SSX2IP: variants seen among roughly 807,000 people sequenced by gnomAD.
The protein encoded by SSX2IP is afadin- and alpha-actinin-binding protein.
SSX2IP carries 55 observed loss-of-function variants against 84.9 expected under a neutral mutation model. That is an observed-to-expected ratio of 0.65 (90% CI 0.52 to 0.81). SSX2IP has a LOEUF of 0.81. SSX2IP is among the 30% of genes least tolerant of loss of function. SSX2IP has a pLI of 0.00. For missense variants in SSX2IP, 664 were observed against 705.2 expected (o/e 0.94, Z 0.66); for synonymous variants, 239 against 234.7 (o/e 1.02, Z -0.17).
At chr1:84,651,009 G>A (rs1650164469) in intron 12 of SSX2IP, among the ~76,000 whole-genome samples, 3 of 152,166 alleles carry the variant, frequency 2.0e-5, no homozygotes, top group South Asian at 4.2e-4. Context: ...CCAGCCAAAA[G>A]GATCTAGTTT....
chr1:84,682,274 T>C (rs1410232717), intron 1 of SSX2IP, among the ~76,000 whole-genome samples: 1 of 152,182 alleles, frequency 6.6e-6, no homozygotes, highest in African/African-American at 2.4e-5. Context: ...CACAGGGTAC[T>C]GAGAGAGCGC....
At chr1:84,660,897 A>C in intron 8 of SSX2IP, among the ~76,000 whole-genome samples, 1 of 65,712 alleles carries the variant, frequency 1.5e-5, no homozygotes, top group Non-Finnish European at 3.0e-5. Flanking sequence ...CTAAAATACA[A>C]AAAAAAAAAA....
intron 11 of SSX2IP, chr1:84,655,323 C>A (rs1176175211): frequency 4.7e-6 from 5 of 1,062,024 alleles, no homozygotes; most frequent in Non-Finnish European, 5.7e-6. Context: ...TTTTTTTTAA[C>A]CTTATTCAGA....
intron 13 of SSX2IP, chr1:84,649,853 G>A (rs1027374004): frequency 4.2e-6 from 2 of 477,176 alleles, no homozygotes; most frequent in Middle Eastern, 3.3e-4. Flanking sequence ...CAACATATGG[G>A]TTTCCCAGGG....
At chr1:84,686,275 T>C (rs185864521) in intron 1 of SSX2IP, among the ~76,000 whole-genome samples, 17 of 152,326 alleles carry the variant, frequency 1.1e-4, no homozygotes, top group African/African-American at 4.1e-4. Context: ...GGGCAATTAA[T>C]GGTCAGGGAC....
intron 11 of SSX2IP, among the ~76,000 whole-genome samples, chr1:84,653,537 C>T (rs552403411): frequency 2.6e-5 from 4 of 152,216 alleles, no homozygotes; most frequent in Admixed American, 2.0e-4. Flanking sequence ...CAACTGGGAG[C>T]AATATGCAAA....
At position 84,652,015 on chromosome 1, in the gene SSX2IP, A is replaced by G; in HGVS notation, c.1390-18T>C. 1 of 1,558,812 alleles carries G rather than the reference A, an allele frequency of 6.4e-7. No individual in the cohort carries two copies. Among genetic ancestry groups the G allele is most frequent in the East Asian group, 2.2e-5 (1 of 44,574 alleles). On this transcript the variant is annotated intron_variant, in intron 11 of 13. Coordinates refer to ENST00000342203, the MANE Select transcript of SSX2IP (RefSeq NM_001166293.2). Reference sequence around the variant, plus strand: ...GCCTTTCTCTACCATAAACAGCCAAAGAAATAATGATCAATATTTCAACAT... The same window carrying G: ...GCCTTTCTCTACCATAAACAGCCAAGGAAATAATGATCAATATTTCAACAT...
intron 4 of SSX2IP, among the ~76,000 whole-genome samples, chr1:84,667,238 C>A (rs1253084913): frequency 6.6e-6 from 1 of 152,104 alleles, no homozygotes; most frequent in East Asian, 1.9e-4. Flanking sequence ...CCCCTCCTTC[C>A]TTTCTTAGTG....
chr1:84,686,173 TTTATC>T (rs1655758721), intron 1 of SSX2IP, among the ~76,000 whole-genome samples: 1 of 133,426 alleles, frequency 7.5e-6, no homozygotes, highest in African/African-American at 2.5e-5. Context: ...TTTTTTGCTT[TTTATC>T]TTAATTTTTA....
rs532492600 is a variant in SSX2IP, at chr1:84,673,900, C to G, written c.-89-2592G>C. ...AATTCAGTCTGGCAATGGTCTTTTG[C>G]CACTTTTCTACTCATGTGCTTGGTA... On this transcript the variant is annotated intron_variant, in intron 1 of 13. Coordinates refer to ENST00000342203, the MANE Select transcript of SSX2IP (RefSeq NM_001166293.2). 7.2e-5 allele frequency among the ~76,000 whole-genome samples: 11 copies of G among 152,178 alleles called. No individual in the cohort carries two copies. In the East Asian group the frequency reaches 1.9e-3, roughly 27 times the overall value.
At chr1:84,656,199 G>T in intron 10 of SSX2IP, 149 bp downstream of exon 10, 1 of 905,432 alleles carries the variant, frequency 1.1e-6, no homozygotes, top group Non-Finnish European at 1.6e-6. Context: ...TTTAAGGAGT[G>T]GTACACAATG....
intron 4 of SSX2IP, among the ~76,000 whole-genome samples, chr1:84,668,627 G>A (rs779872576): frequency 2.0e-5 from 3 of 152,120 alleles, no homozygotes; most frequent in Non-Finnish European, 4.4e-5. Context: ...TGTTTCTAGT[G>A]TTCCCATGTA....
rs184095691 is a variant in SSX2IP, at chr1:84,664,891, T to G, written c.538-339A>C. ...ATTCATCTGATCATTTTTAGTGAACTCCTTGTATTACTGACTTACAATCAC... is the reference window on the plus strand; with the variant it reads ...ATTCATCTGATCATTTTTAGTGAACGCCTTGTATTACTGACTTACAATCAC... On this transcript the variant is annotated intron_variant, in intron 5 of 13. Coordinates refer to ENST00000342203, the MANE Select transcript of SSX2IP (RefSeq NM_001166293.2). Among the ~76,000 whole-genome samples, 168 of 152,306 alleles carry G rather than the reference T, an allele frequency of 1.1e-3. 3 individuals carry two copies. Among genetic ancestry groups the G allele is most frequent in the Admixed American group, 0.011 (166 of 15,278 alleles).
rs35349596 is a variant in SSX2IP, at chr1:84,661,098, A to ATT, written c.927+1098_927+1099dup. 3.4e-3 allele frequency among the ~76,000 whole-genome samples: 491 copies of ATT among 143,974 alleles called. 2 individuals are homozygous for ATT. The highest frequency in any genetic ancestry group is 0.011 in the Middle Eastern group (3 of 282). 94.5% of individuals were successfully genotyped at this position (143,974 alleles called of 152,430 possible). A position where few individuals can be genotyped will look rare whatever the true frequency, so the allele number is the denominator to read the frequency against. ...AAAAAAAAAAAAAAAAATTTAGGTA[A>ATT]TTTTTTTTTTTAAATGTTAAGGAGA... is the stretch of plus-strand genomic sequence containing the variant. On this transcript the variant is annotated intron_variant, in intron 8 of 13. Coordinates refer to ENST00000342203, the MANE Select transcript of SSX2IP (RefSeq NM_001166293.2).
At chr1:84,666,787 G>A (rs1652832792) in intron 4 of SSX2IP, among the ~76,000 whole-genome samples, 1 of 152,116 alleles carries the variant, frequency 6.6e-6, no homozygotes, top group African/African-American at 2.4e-5. Flanking sequence ...AGAGCGGAAT[G>A]GCAGCAAAGC....
At chr1:84,671,658 T>C (rs1334275312) in intron 1 of SSX2IP, among the ~76,000 whole-genome samples, 1 of 152,190 alleles carries the variant, frequency 6.6e-6, no homozygotes, top group Non-Finnish European at 1.5e-5. Context: ...GATAAGATGA[T>C]GAAAAACTTC....
rs1014152032 is a variant in SSX2IP, at chr1:84,645,023, T to C, written c.*2410A>G. On this transcript the variant is annotated 3_prime_UTR_variant, in exon 14 of 14. Coordinates refer to ENST00000342203, the MANE Select transcript of SSX2IP (RefSeq NM_001166293.2). ...AATTTTTCTTTGACATTTTTATGCTTTGAAAATTCAGAATGGATAAAAACA... is the reference window on the plus strand; with the variant it reads ...AATTTTTCTTTGACATTTTTATGCTCTGAAAATTCAGAATGGATAAAAACA... The C allele has an allele frequency of 4.6e-5, 7 of 152,330 alleles. No individual in the cohort carries two copies. Among genetic ancestry groups the C allele is most frequent in the African/African-American group, 1.7e-4 (7 of 41,576 alleles). 9.4% of individuals were successfully genotyped at this position (152,330 alleles called of 1,614,324 possible).
In SSX2IP at chr1:84,656,443, T is replaced by C. The variant is rs1651136744; in HGVS notation, c.1120A>G (p.Ile374Val). 1.2e-6 allele frequency: 2 copies of C among 1,613,246 alleles called. No individual in the cohort carries two copies. The highest frequency in any genetic ancestry group is 1.7e-6 in the Non-Finnish European group (2 of 1,179,664). ...HLEGFNDEDV[I>V]SRQDHEQETE... ...TCTTGTTCATGGTCTTGTCGTGAGA[T>C]TACATCTTCATCATTAAAACCTTCC... Residue 374 changes from isoleucine to valine, a missense_variant, in exon 10 of 14, where the codon ATC (isoleucine) becomes GTC (valine). Coordinates refer to ENST00000342203, the MANE Select transcript of SSX2IP (RefSeq NM_001166293.2).
chr1:84,681,248 T>C (rs189984736), intron 1 of SSX2IP, among the ~76,000 whole-genome samples: 3 of 152,208 alleles, frequency 2.0e-5, no homozygotes, highest in Non-Finnish European at 2.9e-5. Context: ...TTGAGGACAT[T>C]GTTGAATTGC....
Sources: allele counts gnomAD v4.1 joint callset (sites outside exome capture counted in the v4.1 genomes callset), GRCh38; gene constraint gnomAD v4.1.1; transcripts MANE v1.5; gene names NCBI Gene and HGNC (gene_info 2026-07-23, HGNC 2026-07-21).